Variants in CDH13 observed in about 807,000 individuals in gnomAD.
CDH13 encodes cadherin-13.
In CDH13, 24 loss-of-function variants were observed where a neutral mutation model predicts 63.8. The ratio of observed to expected loss-of-function variants is 0.38; its 90% CI spans 0.27 to 0.53. The LOEUF is 0.53. CDH13 is among the 20% of genes least tolerant of loss of function. The pLI is 0.85. For synonymous variants in CDH13, 503 were observed against 355.3 expected (o/e 1.42, Z -4.67); for missense variants, 1,049 against 903.1 (o/e 1.16, Z -2.07).
intron 7 of CDH13, among the ~76,000 whole-genome samples, chr16:83,558,928 A>G (rs4238693): frequency 1 from 151,995 of 152,284 alleles, 75,856 homozygotes; most frequent in Middle Eastern, 1. Flanking sequence ...TCTGTGGCAC[A>G]AGGGCAGACA....
intron 2 of CDH13, among the ~76,000 whole-genome samples, chr16:82,965,432 A>G (rs1907664588): frequency 6.6e-6 from 1 of 152,252 alleles, no homozygotes; most frequent in Non-Finnish European, 1.5e-5. Flanking sequence ...GGATGAGACT[A>G]TCAATGTACG....
chr16:82,760,724 C>A lies in CDH13; in HGVS notation c.46-97638C>A, dbSNP rs192436047. Among the ~76,000 whole-genome samples the A allele has an allele frequency of 2.8e-4, 43 of 152,240 alleles. No individual in the cohort carries two copies. The East Asian group carries it at 7.2e-3, about 25-fold the overall frequency. On this transcript the variant is annotated intron_variant, in intron 1 of 13. Coordinates refer to ENST00000567109, the MANE Select transcript of CDH13 (RefSeq NM_001257.5). ...TTTATTTGGCTTACGGTTCTGCAGG[C>A]TGTACAAGAAGCATGGTGCCAGCAT...
chr16:82,900,470 A>G (rs1297802663), intron 2 of CDH13, among the ~76,000 whole-genome samples: 1 of 152,228 alleles, frequency 6.6e-6, no homozygotes, highest in African/African-American at 2.4e-5. Flanking sequence ...AAATTCTATC[A>G]AAAAGCTCAG....
intron 7 of CDH13, among the ~76,000 whole-genome samples, chr16:83,583,359 C>A (rs1214084953): frequency 6.6e-6 from 1 of 152,202 alleles, no homozygotes; most frequent in Non-Finnish European, 1.5e-5. Context: ...TCAACACATA[C>A]AAGCCCGTGG....
chr16:83,167,980 T>G (rs945182309), intron 4 of CDH13, among the ~76,000 whole-genome samples: 1 of 152,048 alleles, frequency 6.6e-6, no homozygotes, highest in African/African-American at 2.4e-5. Context: ...TTCTCACTTA[T>G]AAGTGGGACC....
chr16:83,560,898 G>GC (rs1555573391), intron 7 of CDH13, among the ~76,000 whole-genome samples: 101 of 100,150 alleles, frequency 1.0e-3, no homozygotes, highest in Middle Eastern at 5.5e-3. Flanking sequence ...CCATAAGGTT[G>GC]GCCCCCCCCC....
chr16:83,705,580 C>G (rs1906912900), intron 10 of CDH13, among the ~76,000 whole-genome samples: 1 of 152,140 alleles, frequency 6.6e-6, no homozygotes, highest in Non-Finnish European at 1.5e-5. Context: ...CGAGATCACG[C>G]CACTGCACTC....
intron 1 of CDH13, chr16:82,719,591 A>G (rs1000866917): frequency 8.4e-6 from 3 of 356,982 alleles, no homozygotes; most frequent in Admixed American, 6.8e-5. Context: ...TGTGTCTGTA[A>G]TCCCAGCACT....
chr16:82,959,593 C>A (rs1402730474), intron 2 of CDH13, among the ~76,000 whole-genome samples: 1 of 152,162 alleles, frequency 6.6e-6, no homozygotes, highest in Non-Finnish European at 1.5e-5. Flanking sequence ...GCACTCTTTT[C>A]GACCTCCATC....
intron 1 of CDH13, among the ~76,000 whole-genome samples, chr16:82,831,271 C>A (rs9934808): frequency 0.15 from 22,856 of 152,092 alleles, 2,837 homozygotes; most frequent in East Asian, 0.7. Flanking sequence ...TTTCAGAAAC[C>A]CCAGGCCGAA....
At chr16:82,803,158 C>G (rs2151163850) in intron 1 of CDH13, among the ~76,000 whole-genome samples, 1 of 152,290 alleles carries the variant, frequency 6.6e-6, no homozygotes, top group Middle Eastern at 3.4e-3. Flanking sequence ...CTCACTGACC[C>G]TGGATAGGTC....
chr16:83,686,499 A>G (rs1267725431), intron 10 of CDH13, among the ~76,000 whole-genome samples: 1 of 152,244 alleles, frequency 6.6e-6, no homozygotes, highest in Non-Finnish European at 1.5e-5. Flanking sequence ...ATAAATATCA[A>G]CTGCCCACGG....
chr16:83,029,188 C>A (rs1477284922), intron 2 of CDH13, among the ~76,000 whole-genome samples: 2 of 152,172 alleles, frequency 1.3e-5, no homozygotes, highest in African/African-American at 2.4e-5. Context: ...ATTATTATCA[C>A]CCTAAGTATC....
chr16:82,731,902 C>T (rs895996871), intron 1 of CDH13, among the ~76,000 whole-genome samples: 2 of 152,168 alleles, frequency 1.3e-5, no homozygotes, highest in African/African-American at 4.8e-5. Context: ...AATATCACTG[C>T]TTGAATGGGG....
Position 83,486,549 on chromosome 16 carries a change from A to T in CDH13, c.854A>T (p.Asn285Ile), listed in dbSNP as rs372978800. Reference sequence around the variant, plus strand: ...ACCGATAATGCCCTCCTGCGGTATAATATCCGTCAGCAGACGCCTGACAAG... The same window carrying T: ...ACCGATAATGCCCTCCTGCGGTATATTATCCGTCAGCAGACGCCTGACAAG... The part of the protein sequence containing the change: ...PATDNALLRY[N>I]IRQQTPDKPS... Residue 285 changes from asparagine (N) to isoleucine (I), a missense_variant, in exon 7 of 14, where the codon AAT becomes ATT. By Grantham distance (149) the Asn-to-Ile change is moderately radical. Coordinates refer to ENST00000567109, the MANE Select transcript of CDH13 (RefSeq NM_001257.5). 4 of 1,613,922 alleles carry T rather than the reference A, an allele frequency of 2.5e-6. No individual in the cohort carries two copies. Among genetic ancestry groups the T allele is most frequent in the Middle Eastern group, 1.7e-4 (1 of 6,060 alleles).
chr16:83,670,329 A>G (rs903770559), intron 8 of CDH13, among the ~76,000 whole-genome samples: 4 of 152,236 alleles, frequency 2.6e-5, no homozygotes, highest in African/African-American at 9.6e-5. Context: ...CTTGAACTCA[A>G]TGAAAATTTG....
At chr16:83,499,271 T>C (rs1394521135) in intron 7 of CDH13, among the ~76,000 whole-genome samples, 2 of 152,246 alleles carry the variant, frequency 1.3e-5, no homozygotes, top group African/African-American at 4.8e-5. Flanking sequence ...AAATACTCCT[T>C]AAGCTGTGAT....
At chr16:82,981,587 T>C (rs1281507861) in intron 2 of CDH13, among the ~76,000 whole-genome samples, 1 of 152,208 alleles carries the variant, frequency 6.6e-6, no homozygotes, top group East Asian at 1.9e-4. Context: ...CAGCATTTGG[T>C]TCTTTCTTCT....
chr16:82,651,245 C>G (rs189620649), intron 1 of CDH13, among the ~76,000 whole-genome samples: 1 of 152,316 alleles, frequency 6.6e-6, no homozygotes, highest in East Asian at 1.9e-4. Context: ...ACATATCAGG[C>G]ACCCAGCTAA....
Sources: gnomAD v4.1 joint callset for allele counts (sites outside exome capture counted in the v4.1 genomes callset) on GRCh38, gnomAD v4.1.1 for gene constraint, MANE v1.5 for transcripts, NCBI Gene and HGNC (gene_info 2026-07-23, HGNC 2026-07-21) for gene names.